DLG2: variants seen among roughly 807,000 people sequenced by gnomAD.
DLG2 encodes the protein discs large MAGUK scaffold protein 2, also known as disks large homolog 2.
DLG2 carries 45 observed loss-of-function variants against 132.5 expected under a neutral mutation model. That is an observed-to-expected ratio of 0.34 (90% CI 0.27 to 0.44). DLG2 has a LOEUF of 0.44. Ranked by LOEUF, DLG2 falls within the 20% of genes least tolerant of loss-of-function variation. The pLI is 1.00. For missense variants in DLG2, 1,045 were observed against 1,196.9 expected, an observed-to-expected ratio of 0.87 and a Z score of 1.87; for synonymous variants, 424 against 419.6, an observed-to-expected ratio of 1.01 and a Z score of -0.13.
chr11:83,468,290 T>C (rs191005081), intron 25 of DLG2, among the ~76,000 whole-genome samples: 93 of 152,330 alleles, frequency 6.1e-4, no homozygotes, highest in African/African-American at 1.9e-3. Context: ...GGTAATAGAT[T>C]TCAAGTTTTC....
chr11:85,526,409 G>GA (rs1189782817), intron 3 of DLG2, among the ~76,000 whole-genome samples: 5 of 151,700 alleles, frequency 3.3e-5, no homozygotes, highest in African/African-American at 1.2e-4. Flanking sequence ...AGACCTGACA[G>GA]AAAAAAATGT....
intron 6 of DLG2, among the ~76,000 whole-genome samples, chr11:84,632,958 T>C (rs1032531085): frequency 6.6e-6 from 1 of 152,208 alleles, no homozygotes; most frequent in South Asian, 2.1e-4. Flanking sequence ...TAGCTATGAA[T>C]GACTTTGAGC....
At chr11:85,082,726 CTTTT>C (rs1251149512) in intron 6 of DLG2, among the ~76,000 whole-genome samples, 65 of 129,886 alleles carry the variant, frequency 5.0e-4, no homozygotes, top group African/African-American at 1.7e-3. Flanking sequence ...ATGGTTTTTT[CTTTT>C]CTTTCTTTTT....
chr11:83,673,177 A>AT (rs1482825287), intron 18 of DLG2, among the ~76,000 whole-genome samples: 1 of 152,220 alleles, frequency 6.6e-6, no homozygotes, highest in East Asian at 1.9e-4. Context: ...TGTCCATATA[A>AT]TTTTTAGTCA....
chr11:84,542,312 G>A (rs550180745), intron 6 of DLG2, among the ~76,000 whole-genome samples: 14 of 152,278 alleles, frequency 9.2e-5, no homozygotes, highest in African/African-American at 2.9e-4. Context: ...GCTGATAGTA[G>A]CATTATGAAG....
intron 6 of DLG2, among the ~76,000 whole-genome samples, chr11:85,026,786 G>A (rs963998062): frequency 6.6e-6 from 1 of 151,994 alleles, no homozygotes; most frequent in African/African-American, 2.4e-5. Context: ...ACAGTGAGTT[G>A]AGATCATGCC....
intron 9 of DLG2, among the ~76,000 whole-genome samples, chr11:84,154,347 A>G (rs2095377067): frequency 1.3e-5 from 2 of 152,194 alleles, no homozygotes; most frequent in Admixed American, 1.3e-4. Flanking sequence ...TAACAATTGA[A>G]ATCATATAAA....
chr11:84,650,148 CT>C (rs2099679809), intron 6 of DLG2, among the ~76,000 whole-genome samples: 1 of 152,050 alleles, frequency 6.6e-6, no homozygotes, highest in South Asian at 2.1e-4. Flanking sequence ...AGAAATATAC[CT>C]CTTTCCTCTA....
At position 85,626,622 on chromosome 11, in the gene DLG2, G is replaced by C. The variant is rs1321028782; in HGVS notation, c.-128C>G. ...ACCTGTCTTCTTGACTGGCATTCTTGGGTCTTTCCACTGCCACAGGAGTCA... is the reference window on the plus strand; with the variant it reads ...ACCTGTCTTCTTGACTGGCATTCTTCGGTCTTTCCACTGCCACAGGAGTCA... On this transcript the variant is annotated 5_prime_UTR_variant, in exon 2 of 28. Coordinates refer to ENST00000376104, the MANE Select transcript of DLG2 (RefSeq NM_001142699.3). 1 of 152,096 alleles carries C rather than the reference G, an allele frequency of 6.6e-6. No homozygotes were observed. The highest frequency in any genetic ancestry group is 2.4e-5 in the African/African-American group (1 of 41,410). The allele number at this position is 152,096 out of a possible 1,614,324, so 9.4% of individuals were successfully genotyped here.
In DLG2 at chr11:83,947,823, T is replaced by C. The variant is rs61898896; in HGVS notation, c.1340+15062A>G. ...ACATCTGTTCTCTTAACCAAGATGT[T>C]ATCCTCCTTCTGGCTTCTGGCTTCT... is the stretch of plus-strand genomic sequence containing the variant. On this transcript the variant is annotated intron_variant, in intron 14 of 27. Coordinates refer to ENST00000376104, the MANE Select transcript of DLG2 (RefSeq NM_001142699.3). 3.3e-3 allele frequency among the ~76,000 whole-genome samples: 504 copies of C among 152,328 alleles called. 3 individuals carry two copies. Among genetic ancestry groups the C allele is most frequent in the Non-Finnish European group, 5.6e-3 (379 of 68,036 alleles).
chr11:85,575,930 A>G (rs1044699986), intron 3 of DLG2, among the ~76,000 whole-genome samples: 1 of 152,226 alleles, frequency 6.6e-6, no homozygotes, highest in Non-Finnish European at 1.5e-5. Flanking sequence ...TAGGTGCTCC[A>G]TAAATATTTG....
At chr11:85,439,205 T>G (rs1472161165) in intron 3 of DLG2, among the ~76,000 whole-genome samples, 1 of 152,162 alleles carries the variant, frequency 6.6e-6, no homozygotes, top group Non-Finnish European at 1.5e-5. Flanking sequence ...AAGAAAGTAT[T>G]CAACCTTTTC....
At chr11:85,240,457 G>A (rs1000028623) in intron 4 of DLG2, among the ~76,000 whole-genome samples, 1 of 151,382 alleles carries the variant, frequency 6.6e-6, no homozygotes. Flanking sequence ...TTTCCTTATG[G>A]TTAGCTCTTT....
chr11:84,396,067 T>C (rs1329935999), intron 7 of DLG2, among the ~76,000 whole-genome samples: 10 of 152,224 alleles, frequency 6.6e-5, no homozygotes, highest in Non-Finnish European at 1.5e-4. Context: ...ACCTGGAAAT[T>C]AGGAGTTTTG....
intron 3 of DLG2, among the ~76,000 whole-genome samples, chr11:85,297,004 T>A (rs1014116611): frequency 1.3e-5 from 2 of 151,252 alleles, no homozygotes; most frequent in Non-Finnish European, 3.0e-5. Context: ...AGTACAGATA[T>A]AATCATTTCC....
chr11:83,560,961 T>C (rs967426635), intron 19 of DLG2, among the ~76,000 whole-genome samples: 1 of 151,900 alleles, frequency 6.6e-6, no homozygotes, highest in African/African-American at 2.4e-5. Context: ...AGAGAAAGCA[T>C]GATGCTGGCA....
chr11:85,050,498 C>T (rs1349381404), intron 6 of DLG2, among the ~76,000 whole-genome samples: 1 of 151,998 alleles, frequency 6.6e-6, no homozygotes, highest in Non-Finnish European at 1.5e-5. Context: ...AAGAAAGGAA[C>T]AAACAGGAAG....
Position 85,248,661 on chromosome 11 carries a change from T to A in DLG2, c.186+36559A>T, listed in dbSNP as rs141587347. Among the ~76,000 whole-genome samples the A allele has an allele frequency of 1.7e-3, 253 of 152,090 alleles. 1 individual carries two copies. Among genetic ancestry groups the A allele is most frequent in the African/African-American group, 5.8e-3 (242 of 41,504 alleles). Reference sequence around the variant, plus strand: ...GAAAATATTCAGTGGAGATAAGTCTTCCACTAAAAACAGGCAATCTCCAGC... The same window carrying A: ...GAAAATATTCAGTGGAGATAAGTCTACCACTAAAAACAGGCAATCTCCAGC... On this transcript the variant is annotated intron_variant, in intron 4 of 27. Coordinates refer to ENST00000376104, the MANE Select transcript of DLG2 (RefSeq NM_001142699.3).
intron 6 of DLG2, among the ~76,000 whole-genome samples, chr11:84,567,117 G>A (rs766603485): frequency 1.3e-5 from 2 of 152,158 alleles, no homozygotes; most frequent in African/African-American, 4.8e-5. Context: ...CAGGGTGAAA[G>A]TCTTGCTATG....
Sources: gnomAD v4.1 joint callset for allele counts (sites outside exome capture counted in the v4.1 genomes callset) on GRCh38, gnomAD v4.1.1 for gene constraint, MANE v1.5 for transcripts, NCBI Gene and HGNC (gene_info 2026-07-23, HGNC 2026-07-21) for gene names.